NLGN4X: variants seen among roughly 807,000 people sequenced by gnomAD.
The protein encoded by NLGN4X is neuroligin 4 X-linked.
NLGN4X carries 3 observed loss-of-function variants against 40.3 expected under a neutral mutation model. The observed-to-expected ratio is 0.07, with a 90% CI of 0.03 to 0.19. NLGN4X has a LOEUF of 0.19. Ranked by LOEUF, NLGN4X falls within the 10% of genes least tolerant of loss-of-function variation. The pLI is 1.00. For missense variants in NLGN4X, 382 were observed against 708.3 expected (o/e 0.54, Z 5.23); for synonymous variants, 270 against 306.8 (o/e 0.88, Z 1.25).
At chrX:6,185,779 T>C (rs1921958305) in intron 1 of NLGN4X, among the ~76,000 whole-genome samples, 1 of 112,016 alleles carries the variant, frequency 8.9e-6, no homozygotes, top group South Asian at 3.7e-4. Flanking sequence ...TGTGCAATAA[T>C]GAACCTTAGC....
intron 2 of NLGN4X, among the ~76,000 whole-genome samples, chrX:6,032,360 T>C (rs1305555273): frequency 1.0e-5 from 1 of 95,581 alleles, no homozygotes; most frequent in Non-Finnish European, 2.0e-5. Context: ...AAATAGACTA[T>C]ACATGCATGT....
chrX:6,109,780 G>A (rs1451493621), intron 2 of NLGN4X, among the ~76,000 whole-genome samples: 1 of 111,960 alleles, frequency 8.9e-6, no homozygotes, highest in Non-Finnish European at 1.9e-5. Flanking sequence ...AATGTAGAAT[G>A]TGCAAACCCC....
Position 6,151,124 on chromosome X carries a change from C to G in NLGN4X, c.343G>C (p.Asp115His). Residue 115 changes from aspartate to histidine, a missense_variant, in exon 2 of 6, where the codon GAT becomes CAT. Coordinates refer to ENST00000381095, the MANE Select transcript of NLGN4X (RefSeq NM_181332.3). ...QFAAVCPQHL[D>H]ERSLLHDMLP... is the part of the protein sequence containing the mutation. ...ATGTCATGCAGTAAGGATCTCTCAT[C>G]CAGGTGCTGGGGGCACACAGCAGCA... The G allele has an allele frequency of 8.3e-7, 1 of 1,211,519 alleles. No individual in the cohort carries two copies. The highest frequency in any genetic ancestry group is 1.1e-6 in the Non-Finnish European group (1 of 895,261).
At chrX:6,014,092 G>C (rs1231479846) in intron 3 of NLGN4X, among the ~76,000 whole-genome samples, 2 of 108,835 alleles carry the variant, frequency 1.8e-5, no homozygotes, top group African/African-American at 6.7e-5. Context: ...TGAGGCAAGG[G>C]AATCACTTGA....
intron 2 of NLGN4X, among the ~76,000 whole-genome samples, chrX:6,108,302 C>T (rs1325525751): frequency 1.8e-5 from 2 of 111,889 alleles, no homozygotes; most frequent in Non-Finnish European, 3.8e-5. Context: ...CTTAAGCTTA[C>T]TTTATTTTGG....
chrX:5,924,522 T>G (rs968161755), intron 3 of NLGN4X, among the ~76,000 whole-genome samples: 1 of 111,950 alleles, frequency 8.9e-6, no homozygotes, highest in African/African-American at 3.2e-5. Flanking sequence ...CAGTAAACAA[T>G]TTTTCTAGTG....
intron 2 of NLGN4X, among the ~76,000 whole-genome samples, chrX:6,098,070 G>A (rs771465554): frequency 4.4e-5 from 5 of 112,635 alleles, no homozygotes; most frequent in African/African-American, 9.6e-5. Context: ...CCGGAGGATC[G>A]CTTGAGCCCA....
chrX:5,925,879 CACATATATATAT>C (rs1478235737), intron 3 of NLGN4X, among the ~76,000 whole-genome samples: 1,336 of 46,778 alleles, frequency 0.029, 88 homozygotes, highest in African/African-American at 0.048. Context: ...TATACATACA[CACATATATATAT>C]ATATATATAT....
chrX:6,037,571 C>A (rs754380364), intron 2 of NLGN4X, among the ~76,000 whole-genome samples: 3 of 111,130 alleles, frequency 2.7e-5, no homozygotes, highest in Non-Finnish European at 5.7e-5. Context: ...CCAAAAAGAA[C>A]CTTCAGCATT....
At chrX:5,996,366 C>T (rs951280063) in intron 3 of NLGN4X, among the ~76,000 whole-genome samples, 1 of 111,745 alleles carries the variant, frequency 8.9e-6, no homozygotes, top group Non-Finnish European at 1.9e-5. Flanking sequence ...TCTGTGCTAC[C>T]GAGTTTGATT....
intron 3 of NLGN4X, among the ~76,000 whole-genome samples, chrX:6,014,836 G>C (rs988658742): frequency 1.8e-5 from 2 of 111,632 alleles, no homozygotes; most frequent in Non-Finnish European, 3.8e-5. Flanking sequence ...TGTGGCTCAT[G>C]CTGACATCTC....
At chrX:6,020,810 T>C (rs1450318375) in intron 3 of NLGN4X, among the ~76,000 whole-genome samples, 1 of 109,762 alleles carries the variant, frequency 9.1e-6, no homozygotes, top group Non-Finnish European at 1.9e-5. Flanking sequence ...CCTCCCTTGA[T>C]TTTCTTTTGA....
chrX:5,894,447 G>A (rs974016052), intron 5 of NLGN4X, among the ~76,000 whole-genome samples: 1 of 112,054 alleles, frequency 8.9e-6, no homozygotes, highest in African/African-American at 3.2e-5. Flanking sequence ...ATGAAAGCAC[G>A]CTATGTTAGC....
At chrX:5,900,580 TTTTTTTTTTA>T (rs1271619505) in intron 5 of NLGN4X, among the ~76,000 whole-genome samples, 1 of 72,177 alleles carries the variant, frequency 1.4e-5, no homozygotes, top group African/African-American at 4.6e-5. Flanking sequence ...TTTTTTTTTT[TTTTTTTTTTA>T]AAGATAAAGG....
intron 2 of NLGN4X, among the ~76,000 whole-genome samples, chrX:6,042,769 A>C (rs2037210202): frequency 1.1e-5 from 1 of 89,812 alleles, no homozygotes; most frequent in Non-Finnish European, 2.2e-5. Flanking sequence ...ATAACTCTTG[A>C]AATGTTGTAC....
intron 3 of NLGN4X, among the ~76,000 whole-genome samples, chrX:5,950,675 G>A (rs2034279292): frequency 8.9e-6 from 1 of 112,265 alleles, no homozygotes; most frequent in Non-Finnish European, 1.9e-5. Context: ...TAAACACCAC[G>A]TCAGTGGGAA....
At chrX:6,187,355 CCCAG>C (rs1922134650) in intron 1 of NLGN4X, 1 of 108,445 alleles carries the variant, frequency 9.2e-6, no homozygotes, top group Non-Finnish European at 1.9e-5. Context: ...CGCCCGTAGC[CCCAG>C]CTACCCCGGA....
chrX:6,067,849 C>G (rs1474112005), intron 2 of NLGN4X, among the ~76,000 whole-genome samples: 1 of 111,512 alleles, frequency 9.0e-6, no homozygotes, highest in East Asian at 2.8e-4. Context: ...GGATTCTGTT[C>G]TTGCCCAAAT....
chrX:6,028,869 A>C (rs1279504868), intron 3 of NLGN4X, among the ~76,000 whole-genome samples: 1 of 111,744 alleles, frequency 8.9e-6, no homozygotes. Flanking sequence ...GAATTGGATA[A>C]AATCTTTTCC....
Sources: gnomAD v4.1 joint callset for allele counts (sites outside exome capture counted in the v4.1 genomes callset) on GRCh38, gnomAD v4.1.1 for gene constraint, MANE v1.5 for transcripts, NCBI Gene and HGNC (gene_info 2026-07-23, HGNC 2026-07-21) for gene names.